The following KANSL1 variants were observed in gnomAD, a reference collection of about 807,000 sequenced individuals.
The protein encoded by KANSL1 is KAT8 regulatory NSL complex subunit 1.
In KANSL1, 22 loss-of-function variants were observed where a neutral mutation model predicts 103.6. That is an observed-to-expected ratio of 0.21 (90% CI 0.15 to 0.30). The LOEUF is 0.30. KANSL1 is among the 10% of genes least tolerant of loss of function. KANSL1 has a pLI of 1.00. For synonymous variants in KANSL1, 600 were observed against 527.6 expected (o/e 1.14, Z -1.88); for missense variants, 1,337 against 1,399.8 (o/e 0.96, Z 0.72).
chr17:46,159,284 TAA>T (rs1306241266), intron 2 of KANSL1, among the ~76,000 whole-genome samples: 14 of 152,254 alleles, frequency 9.2e-5, no homozygotes, highest in African/African-American at 2.7e-4. Flanking sequence ...GTCCTAATTT[TAA>T]AAGTGAGGAA....
intron 1 of KANSL1, chr17:46,221,709 G>A (rs1276723520): frequency 1.3e-5 from 2 of 151,128 alleles, no homozygotes; most frequent in Non-Finnish European, 2.9e-5. Context: ...ATGCCTGACA[G>A]AACGACAGAG....
intron 4 of KANSL1, among the ~76,000 whole-genome samples, chr17:46,071,973 G>C (rs2078592627): frequency 6.8e-6 from 1 of 147,636 alleles, no homozygotes; most frequent in Non-Finnish European, 1.5e-5. Context: ...TTGCTGAATT[G>C]CTCCCCCCAC....
chr17:46,065,309 CATTT>C (rs2078337842), intron 6 of KANSL1, among the ~76,000 whole-genome samples: 1 of 152,068 alleles, frequency 6.6e-6, no homozygotes, highest in Non-Finnish European at 1.5e-5. Context: ...CTGCAGAGTT[CATTT>C]ATTATTTTCT....
In KANSL1 at chr17:46,039,777, G is replaced by A. The variant is rs550137256; in HGVS notation, c.2128C>T (p.Pro710Ser). The A allele has an allele frequency of 6.2e-7, 1 of 1,614,080 alleles. No individual in the cohort carries two copies. Among genetic ancestry groups the A allele is most frequent in the Non-Finnish European group, 8.5e-7 (1 of 1,180,050 alleles). ...GAATCTGGCAGACTGCCCGGCATGG[G>A]TGCTCTGTGCTTAAGCGATAACTTT... ...PKKLSLKHRAPMPGSLPDSAR... is the reference protein window; with the variant it reads ...PKKLSLKHRASMPGSLPDSAR... The change falls in exon 8 of 15, where the codon CCC becomes TCC. Residue 710 changes from proline to serine, a missense_variant. Around this residue, in one of 2 missense-constraint regions of KANSL1, gnomAD observed 780 missense variants for 923.4 expected, o/e 0.84. Transcript: ENST00000432791.
At chr17:46,096,183 T>C (rs1477090221) in intron 2 of KANSL1, among the ~76,000 whole-genome samples, 2 of 151,172 alleles carry the variant, frequency 1.3e-5, no homozygotes, top group Admixed American at 6.6e-5. Flanking sequence ...ACTCTATCAT[T>C]GAGGCTGGAT....
chr17:46,186,251 C>T (rs867774475), intron 1 of KANSL1, among the ~76,000 whole-genome samples: 2 of 151,424 alleles, frequency 1.3e-5, no homozygotes, highest in East Asian at 1.9e-4. Flanking sequence ...AGCATGATGG[C>T]GGGCACCTGT....
chr17:46,198,910 G>T (rs1160100213), intron 1 of KANSL1, among the ~76,000 whole-genome samples: 1 of 152,094 alleles, frequency 6.6e-6, no homozygotes, highest in Non-Finnish European at 1.5e-5. Context: ...CAAAAATCTA[G>T]TGAGTACCTA....
At chr17:46,055,113 T>C (rs1400112810) in intron 6 of KANSL1, among the ~76,000 whole-genome samples, 1 of 151,718 alleles carries the variant, frequency 6.6e-6, no homozygotes, top group African/African-American at 2.4e-5. Context: ...CTTCCCAAAG[T>C]GCTGGGATTA....
chr17:46,172,046 C>G lies in KANSL1; in HGVS notation c.98G>C (p.Ser33Thr). The part of the protein sequence containing the change: ...APPSSTLSPG[S>T]AENNGNANIL... ...GTTGGCGTTGCCGTTATTTTCGGCA[C>G]TGCCAGGGGACAAGGTAGAGGATGG... Residue 33 changes from serine to threonine, a missense_variant, in exon 2 of 15, where the codon AGT becomes ACT. Ser to Thr is a moderately conservative substitution (Grantham distance 58). This residue lies in a region of KANSL1 where 557 missense variants were observed against 476.4 expected (regional missense o/e 1.17). Coordinates refer to ENST00000432791, the MANE Select transcript of KANSL1 (RefSeq NM_015443.4). 2 of 1,614,202 alleles carry G rather than the reference C, an allele frequency of 1.2e-6. No individual in the cohort carries two copies. The highest frequency in any genetic ancestry group is 1.3e-5 in the African/African-American group (1 of 75,062).
At chr17:46,044,718 G>C (rs186327529) in intron 7 of KANSL1, 1 of 152,322 alleles carries the variant, frequency 6.6e-6, no homozygotes, top group Non-Finnish European at 1.5e-5. Context: ...GCCAGGCGTA[G>C]AGTTGGCTAT....
intron 3 of KANSL1, among the ~76,000 whole-genome samples, chr17:46,084,697 T>TAAAAAAAAAAAAAAAAAAAAAAAAAAA (rs67108405): frequency 1.3e-5 from 1 of 74,488 alleles, no homozygotes; most frequent in Non-Finnish European, 2.4e-5. Flanking sequence ...TTTTAAAAAT[T>TAAAAAAAAAAAAAAAAAAAAAAAAAAA]AAAAAAAAAA....
intron 2 of KANSL1, among the ~76,000 whole-genome samples, chr17:46,103,163 C>A (rs2147034414): frequency 6.6e-6 from 1 of 152,350 alleles, no homozygotes; most frequent in South Asian, 2.1e-4. Context: ...CCTGGCAATC[C>A]ATGTTAATCT....
At chr17:46,151,137 T>G (rs1208819089) in intron 2 of KANSL1, among the ~76,000 whole-genome samples, 1 of 152,224 alleles carries the variant, frequency 6.6e-6, no homozygotes, top group Non-Finnish European at 1.5e-5. Flanking sequence ...AGCATAAAGC[T>G]AAATATTTAA....
chr17:46,148,545 A>G (rs2044864184), intron 2 of KANSL1, among the ~76,000 whole-genome samples: 1 of 151,884 alleles, frequency 6.6e-6, no homozygotes, highest in African/African-American at 2.4e-5. Context: ...ATGGCTTACA[A>G]TTAAAAGCCT....
At chr17:46,188,970 T>C (rs1018605995) in intron 1 of KANSL1, among the ~76,000 whole-genome samples, 3 of 132,182 alleles carry the variant, frequency 2.3e-5, no homozygotes, top group African/African-American at 9.1e-5. Context: ...GGGGTGGAGG[T>C]TGCAGTGAGC....
intron 10 of KANSL1, chr17:46,035,265 GCATTTATACCTAAACC>G (rs1257261902): frequency 6.6e-6 from 1 of 152,342 alleles, no homozygotes; most frequent in Non-Finnish European, 1.5e-5. Context: ...CTAAGAGGCT[GCATTTATACCTAAACC>G]ACCAAGTGTG....
intron 3 of KANSL1, among the ~76,000 whole-genome samples, chr17:46,091,109 G>A (rs1393824234): frequency 6.6e-6 from 1 of 152,218 alleles, no homozygotes; most frequent in Non-Finnish European, 1.5e-5. Context: ...ACCTAACAGT[G>A]TAACAAGATG....
At position 46,191,658 on chromosome 17, in the gene KANSL1, C is replaced by A. The variant is rs73984695; in HGVS notation, c.-90+1165G>T. Among the ~76,000 whole-genome samples, 831 of 152,368 alleles carry A rather than the reference C, an allele frequency of 5.5e-3. 9 individuals carry two copies. Among genetic ancestry groups the A allele is most frequent in the African/African-American group, 0.019 (793 of 41,584 alleles). ...GTTTATTTTAAAATGTTCTCCGACT[C>A]TAAAACTAAAACAAGTAAAACGTTT... On this transcript the variant is annotated intron_variant, in intron 1 of 14. Transcript: ENST00000432791.
At chr17:46,096,320 T>TTC (rs1025814358) in intron 2 of KANSL1, among the ~76,000 whole-genome samples, 4 of 137,548 alleles carry the variant, frequency 2.9e-5, no homozygotes, top group African/African-American at 5.6e-5. Context: ...TCTTTTTTTT[T>TTC]TTTTTTTTTT....
Sources: gnomAD v4.1 joint callset for allele counts (sites outside exome capture counted in the v4.1 genomes callset) on GRCh38, gnomAD v4.1.1 for gene constraint, gnomAD v4.1.1 regional missense constraint, MANE v1.5 for transcripts, NCBI Gene and HGNC (gene_info 2026-07-23, HGNC 2026-07-21) for gene names.